TSPAN14: variants seen among roughly 807,000 people sequenced by gnomAD.
TSPAN14 encodes tetraspanin-14.
Under a neutral mutation model 36.6 loss-of-function variants are expected in TSPAN14, and 16 were observed. That is an observed-to-expected ratio of 0.44 (90% confidence interval 0.30 to 0.66). TSPAN14 has a LOEUF of 0.66. Ranked by LOEUF, TSPAN14 falls within the 30% of genes least tolerant of loss-of-function variation. The probability of loss-of-function intolerance (pLI) is 0.12; values close to 1 mark genes in which losing one functional copy is unlikely to be tolerated. For synonymous variants in TSPAN14, 139 were observed against 143.8 expected (o/e 0.97, Z 0.24); for missense variants, 231 against 355.1 (o/e 0.65, Z 2.81).
At chr10:80,489,148 A>T in intron 1 of TSPAN14, 69 bp from the exon 2 acceptor site, 3 of 1,027,696 alleles carry the variant, frequency 2.9e-6, no homozygotes, top group East Asian at 5.2e-5. Context: ...GAATCCGCAT[A>T]TGAGCTGGTT....
At chr10:80,517,319 C>T in intron 8 of TSPAN14, among the ~76,000 whole-genome samples, 1 of 152,178 alleles carries the variant, frequency 6.6e-6, no homozygotes, top group Non-Finnish European at 1.5e-5. Flanking sequence ...ATTAGAACCA[C>T]ACAAGAATTT....
At chr10:80,501,482 G>T (rs1421764432) in intron 2 of TSPAN14, among the ~76,000 whole-genome samples, 1 of 152,104 alleles carries the variant, frequency 6.6e-6, no homozygotes, top group African/African-American at 2.4e-5. Context: ...TGAGAGAAGG[G>T]GTGAGCTGTG....
intron 5 of TSPAN14, 103 bp from the exon 6 acceptor site, chr10:80,512,041 A>C: frequency 1.3e-6 from 2 of 1,554,240 alleles, no homozygotes; most frequent in Non-Finnish European, 1.8e-6. Context: ...TGCATGGTAG[A>C]TGCCGGCAGA....
At chr10:80,485,579 A>G (rs1381620107) in intron 1 of TSPAN14, 5 of 965,096 alleles carry the variant, frequency 5.2e-6, no homozygotes, top group East Asian at 2.3e-4. Context: ...TGGAGTCCTA[A>G]TGAGTCTCCC....
At chr10:80,518,066 G>C in exon 9 of TSPAN14, 1 of 1,321,998 alleles carries the variant, frequency 7.6e-7, no homozygotes, top group Non-Finnish European at 1.1e-6. Flanking sequence ...GAGAGGAGCC[G>C]ACACCCCCAG....
At chr10:80,477,460 A>G (rs1332313814) in intron 1 of TSPAN14, among the ~76,000 whole-genome samples, 3 of 152,218 alleles carry the variant, frequency 2.0e-5, no homozygotes, top group Non-Finnish European at 4.4e-5. Flanking sequence ...GGGAGTTGTA[A>G]AAAAGAAATC....
intron 7 of TSPAN14, 133 bp downstream of exon 7, chr10:80,514,196 C>T: frequency 1.3e-6 from 1 of 788,162 alleles, no homozygotes; most frequent in Non-Finnish European, 2.1e-6. Flanking sequence ...GCCACCTAAG[C>T]TGAGCATAGG....
In TSPAN14 at chr10:80,497,534, C is replaced by T. The variant is rs535630968; in HGVS notation, c.82-7194C>T. On this transcript the variant is annotated intron_variant, in intron 2 of 8. Coordinates refer to ENST00000429989, the Ensembl canonical transcript of TSPAN14. ...AAAGCTGAAAATATTTACTATTTGG[C>T]CCTTTACAGAAATGCTGACCACTGC... is the stretch of plus-strand genomic sequence containing the variant. Among the ~76,000 whole-genome samples the T allele has an allele frequency of 2.0e-5, 3 of 152,320 alleles. No homozygotes were observed. The South Asian group carries it at 6.2e-4, about 32-fold the overall frequency.
At chr10:80,472,807 T>C (rs992064141) in intron 1 of TSPAN14, among the ~76,000 whole-genome samples, 1 of 152,256 alleles carries the variant, frequency 6.6e-6, no homozygotes, top group Non-Finnish European at 1.5e-5. Context: ...TTGTTTATTT[T>C]GCCGCTCAGA....
exon 9 of TSPAN14, chr10:80,520,871 A>G (rs751035941): frequency 1.9e-6 from 1 of 525,606 alleles, no homozygotes; most frequent in East Asian, 5.5e-5. Context: ...TCTCTGCTTC[A>G]GAGGCCCAGG....
intron 1 of TSPAN14, among the ~76,000 whole-genome samples, chr10:80,472,341 G>A (rs776523238): frequency 4.6e-5 from 7 of 152,192 alleles, no homozygotes; most frequent in African/African-American, 2.4e-5. Flanking sequence ...GGAATACTGC[G>A]GAAATGGTGA....
chr10:80,489,966 A>G (rs1000618203), intron 2 of TSPAN14, among the ~76,000 whole-genome samples: 1 of 152,192 alleles, frequency 6.6e-6, no homozygotes, highest in Non-Finnish European at 1.5e-5. Context: ...TGTGCAAAGG[A>G]CAAACAGAAG....
At position 80,520,884 on chromosome 10, in the gene TSPAN14, C is replaced by T. The variant is rs780937927; in HGVS notation, c.*2908C>T. 1.5e-5 allele frequency: 8 copies of T among 516,962 alleles called. No homozygotes were observed. The East Asian group carries it at 1.7e-4, about 11-fold the overall frequency. The allele number at this position is 516,962 out of a possible 1,614,324, so 32.0% of individuals were successfully genotyped here. On this transcript the variant is annotated 3_prime_UTR_variant, in exon 9 of 9. Transcript: ENST00000429989. ...CTTCTCTGCTTCAGAGGCCCAGGCT[C>T]GCCAGTTCTCTGACCTCTCCCATAT...
rs1331551912 is a variant in TSPAN14 at position 80,480,569 on chromosome 10, G to A, written c.-17-8648G>A. 8.4e-4 allele frequency among the ~76,000 whole-genome samples: 128 copies of A among 152,106 alleles called. 1 individual carries two copies. The highest frequency in any genetic ancestry group is 1.8e-4 in the Non-Finnish European group (12 of 68,028). On this transcript the variant is annotated intron_variant, in intron 1 of 8. Coordinates refer to ENST00000429989, the Ensembl canonical transcript of TSPAN14. Reference sequence around the variant, plus strand: ...TGATAGACTGGATTAAGAAAATGTGGCACATATACACCATGGAATACTATG... The same window carrying A: ...TGATAGACTGGATTAAGAAAATGTGACACATATACACCATGGAATACTATG...
At chr10:80,478,427 A>G (rs1434837479) in intron 1 of TSPAN14, among the ~76,000 whole-genome samples, 1 of 152,212 alleles carries the variant, frequency 6.6e-6, no homozygotes, top group Non-Finnish European at 1.5e-5. Context: ...AACAGAGAAG[A>G]AGGCAAGTGT....
intron 1 of TSPAN14, among the ~76,000 whole-genome samples, chr10:80,482,732 C>CTT (rs34769982): frequency 4.6e-4 from 51 of 110,496 alleles, no homozygotes; most frequent in African/African-American, 8.2e-4. Flanking sequence ...TTTTCTTTTC[C>CTT]TTTTTTTTTT....
intron 4 of TSPAN14, among the ~76,000 whole-genome samples, chr10:80,508,155 G>T (rs1840401775): frequency 7.0e-6 from 1 of 141,872 alleles, no homozygotes; most frequent in Admixed American, 7.2e-5. Context: ...TCGCTCTGTT[G>T]CCCAGGCTGG....
At chr10:80,504,678 G>A (rs375322710) in intron 2 of TSPAN14, 50 bp from the exon 3 acceptor site, 1 of 1,611,182 alleles carries the variant, frequency 6.2e-7, no homozygotes, top group Non-Finnish European at 8.5e-7. Flanking sequence ...CATGTTCACA[G>A]TGCTGGTTTC....
intron 5 of TSPAN14, among the ~76,000 whole-genome samples, chr10:80,510,706 C>T (rs1840569922): frequency 6.6e-6 from 1 of 150,460 alleles, no homozygotes. Flanking sequence ...AACCCCATCT[C>T]TACTAAAAAT....
Sources: allele counts gnomAD v4.1 joint callset (sites outside exome capture counted in the v4.1 genomes callset), GRCh38; gene constraint gnomAD v4.1.1; transcripts MANE v1.5; gene names NCBI Gene and HGNC (gene_info 2026-07-23, HGNC 2026-07-21).